Variants in PHC3 observed in about 807,000 individuals in gnomAD.
The protein encoded by PHC3 is polyhomeotic-like protein 3.
PHC3 carries 13 observed loss-of-function variants against 107.4 expected under a neutral mutation model. The ratio of observed to expected loss-of-function variants is 0.12; its 90% CI spans 0.08 to 0.19. The LOEUF (loss-of-function observed/expected upper bound fraction) is 0.19. PHC3 is among the 10% of genes least tolerant of loss of function. The pLI, the probability that PHC3 is intolerant of heterozygous loss-of-function variation, is 1.00. For synonymous variants in PHC3, 456 were observed against 427.4 expected (o/e 1.07, Z -0.83); for missense variants, 992 against 1,210.9 (o/e 0.82, Z 2.68).
At chr3:170,150,231 C>T (rs73181221) in intron 4 of PHC3, among the ~76,000 whole-genome samples, 45,832 of 151,894 alleles carry the variant, frequency 0.3, 7,009 homozygotes, top group East Asian at 0.49. Flanking sequence ...ACAGATAATG[C>T]ATTCACATAT....
intron 1 of PHC3, among the ~76,000 whole-genome samples, chr3:170,180,457 A>G (rs1731206733): frequency 6.6e-6 from 1 of 152,178 alleles, no homozygotes; most frequent in Admixed American, 6.5e-5. Context: ...GTCACAAAGA[A>G]AGAAAAAGAA....
rs568740088 is a variant in PHC3, at chr3:170,090,580, C to G, written c.*6650G>C. Reference sequence around the variant, plus strand: ...AGGAGAACAAAGACTGTAGGTGACCCAAGAAATGGATGCTTATTAAGTATA... The same window carrying G: ...AGGAGAACAAAGACTGTAGGTGACCGAAGAAATGGATGCTTATTAAGTATA... On this transcript the variant is annotated 3_prime_UTR_variant, in exon 15 of 15. Coordinates refer to ENST00000495893, the MANE Select transcript of PHC3 (RefSeq NM_024947.4). 1 of 152,030 alleles carries G rather than the reference C, an allele frequency of 6.6e-6. No individual in the cohort carries two copies. Among genetic ancestry groups the G allele is most frequent in the South Asian group, 2.1e-4 (1 of 4,812 alleles). The allele number at this position is 152,030 out of a possible 1,614,324, so 9.4% of individuals were successfully genotyped here.
intron 4 of PHC3, among the ~76,000 whole-genome samples, chr3:170,152,903 AC>A (rs1034950336): frequency 3.3e-5 from 5 of 150,124 alleles, no homozygotes; most frequent in Non-Finnish European, 5.9e-5. Flanking sequence ...CTCAAGCGAT[AC>A]CCCCACCTCA....
At chr3:170,117,904 T>C (rs559541121) in intron 9 of PHC3, among the ~76,000 whole-genome samples, 17 of 150,728 alleles carry the variant, frequency 1.1e-4, no homozygotes, top group East Asian at 3.9e-4. Flanking sequence ...TCTCAGCTAC[T>C]TGGGAGGCTG....
chr3:170,097,009 A>G lies in PHC3; in HGVS notation c.*221T>C. 1 of 383,350 alleles carries G rather than the reference A, an allele frequency of 2.6e-6. No homozygotes were observed. Among genetic ancestry groups the G allele is most frequent in the Non-Finnish European group, 4.6e-6 (1 of 217,804 alleles). 23.7% of individuals were successfully genotyped at this position (383,350 alleles called of 1,614,324 possible). On this transcript the variant is annotated 3_prime_UTR_variant, in exon 15 of 15. Coordinates refer to ENST00000495893, the MANE Select transcript of PHC3 (RefSeq NM_024947.4). This position sits in a 1 kb window ranked among gnomAD's most constrained non-coding sequence, Gnocchi z 4.1. Reference sequence around the variant, plus strand: ...TCTGTAACAAGTCTTTCAATGTTTCATGTAACCTGTAAAATTAATTTTACC... The same window carrying G: ...TCTGTAACAAGTCTTTCAATGTTTCGTGTAACCTGTAAAATTAATTTTACC...
intron 7 of PHC3, among the ~76,000 whole-genome samples, chr3:170,130,385 G>A (rs536173174): frequency 6.6e-6 from 1 of 152,254 alleles, no homozygotes; most frequent in South Asian, 2.1e-4. Context: ...TTTTTGAGCT[G>A]AGATGAGGGT....
At chr3:170,124,507 T>C (rs1251636460) in intron 8 of PHC3, among the ~76,000 whole-genome samples, 2 of 152,112 alleles carry the variant, frequency 1.3e-5, no homozygotes, top group Non-Finnish European at 2.9e-5. Context: ...GGACCACAGG[T>C]GTTCACTAAC....
chr3:170,136,822 G>A (rs1723151885), intron 6 of PHC3, among the ~76,000 whole-genome samples, 157 bp from the exon 7 acceptor site: 1 of 151,972 alleles, frequency 6.6e-6, no homozygotes, highest in Non-Finnish European at 1.5e-5. Flanking sequence ...CTTAAGGAAA[G>A]GAGAGTTATT....
intron 7 of PHC3, among the ~76,000 whole-genome samples, chr3:170,134,744 T>A (rs1722789647): frequency 6.6e-6 from 1 of 152,110 alleles, no homozygotes; most frequent in Non-Finnish European, 1.5e-5. Flanking sequence ...CAAAAAGGGA[T>A]TAAAGAGTTA....
intron 2 of PHC3, chr3:170,176,990 T>C (rs1274689817): frequency 1.8e-5 from 7 of 398,074 alleles, no homozygotes; most frequent in Non-Finnish European, 3.0e-5. Context: ...GCCCTTTTTA[T>C]ATAATACCAT....
chr3:170,147,892 A>C (rs1283146141), intron 5 of PHC3: 2 of 152,246 alleles, frequency 1.3e-5, no homozygotes, highest in Non-Finnish European at 2.9e-5. Flanking sequence ...AAAATAGCCA[A>C]ATAGCAACCA....
At chr3:170,106,559 A>G (rs1294316851) in intron 12 of PHC3, among the ~76,000 whole-genome samples, 1 of 152,128 alleles carries the variant, frequency 6.6e-6, no homozygotes, top group Non-Finnish European at 1.5e-5. Flanking sequence ...CCATCAGGAG[A>G]TTACTACTTT....
chr3:170,134,316 T>C (rs1009309266), intron 7 of PHC3, among the ~76,000 whole-genome samples: 4 of 151,880 alleles, frequency 2.6e-5, no homozygotes, highest in East Asian at 1.9e-4. Context: ...CAGCCTCCCA[T>C]GTAGCTGGGA....
intron 2 of PHC3, among the ~76,000 whole-genome samples, chr3:170,178,463 G>A (rs958268774): frequency 1.3e-5 from 2 of 152,332 alleles, no homozygotes; most frequent in African/African-American, 4.8e-5. Context: ...GCTTGAGGCT[G>A]CAAATTTGGT....
chr3:170,132,584 C>T (rs1722435880), intron 7 of PHC3, among the ~76,000 whole-genome samples: 1 of 152,190 alleles, frequency 6.6e-6, no homozygotes, highest in Non-Finnish European at 1.5e-5. Context: ...CCACCCACCA[C>T]ACACTCAAGG....
At position 170,122,754 on chromosome 3, in the gene PHC3, C is replaced by A. The variant is rs1221319258; in HGVS notation, c.1789-10G>T. 2 of 1,613,368 alleles carry A rather than the reference C, an allele frequency of 1.2e-6. No individual in the cohort carries two copies. The highest frequency in any genetic ancestry group is 4.5e-5 in the East Asian group (2 of 44,868). ...CTTCTACCTGATAAACCTGCAATGACAAACCATACTGCCTTAAAATGTTTC... is the reference window on the plus strand; with the variant it reads ...CTTCTACCTGATAAACCTGCAATGAAAAACCATACTGCCTTAAAATGTTTC... On this transcript the variant is annotated splice_polypyrimidine_tract_variant and intron_variant, in intron 8 of 14. Coordinates refer to ENST00000495893, the MANE Select transcript of PHC3 (RefSeq NM_024947.4).
intron 5 of PHC3, among the ~76,000 whole-genome samples, chr3:170,146,493 A>AT (rs916513391): frequency 1.3e-5 from 2 of 150,808 alleles, no homozygotes; most frequent in African/African-American, 2.4e-5. Flanking sequence ...AAGACATTTA[A>AT]TTTTTTTACT....
chr3:170,128,269 G>C, intron 8 of PHC3: 2 of 953,542 alleles, frequency 2.1e-6, no homozygotes, highest in African/African-American at 1.8e-5. Context: ...AAACTAAAAG[G>C]GTTAGGCTAG....
chr3:170,117,908 G>C (rs1202935150), intron 9 of PHC3, among the ~76,000 whole-genome samples: 3 of 152,070 alleles, frequency 2.0e-5, no homozygotes, highest in Admixed American at 1.3e-4. Flanking sequence ...AGCTACTTGG[G>C]AGGCTGAGAC....
Sources: allele counts gnomAD v4.1 joint callset (sites outside exome capture counted in the v4.1 genomes callset), GRCh38; gene constraint gnomAD v4.1.1; non-coding constraint Gnocchi (gnomAD v3.1); transcripts MANE v1.5; gene names NCBI Gene and HGNC (gene_info 2026-07-23, HGNC 2026-07-21).